Variants in ACSS3 observed in about 807,000 individuals in gnomAD.
ACSS3 encodes acyl-CoA synthetase short-chain family member 3, mitochondrial.
A neutral mutation model predicts 84.2 loss-of-function variants in ACSS3; 64 were observed. That is an observed-to-expected ratio of 0.76 (90% CI 0.62 to 0.94). The LOEUF (loss-of-function observed/expected upper bound fraction) is 0.94. Among genes scored for constraint, ACSS3 ranks in the 40% least tolerant of loss-of-function variants. The pLI is 0.00. For missense variants in ACSS3, 815 were observed against 867.6 expected, an observed-to-expected ratio of 0.94 and a Z score of 0.76; for synonymous variants, 317 against 310.1, an observed-to-expected ratio of 1.02 and a Z score of -0.23.
intron 9 of ACSS3, among the ~76,000 whole-genome samples, chr12:81,215,242 C>G (rs1207348705): frequency 1.3e-5 from 2 of 152,064 alleles, no homozygotes; most frequent in African/African-American, 4.8e-5. Context: ...CTGCCCCCCA[C>G]CTTTTTTTTT....
intron 7 of ACSS3, among the ~76,000 whole-genome samples, chr12:81,156,495 T>A (rs1886876858): frequency 7.4e-6 from 1 of 136,034 alleles, no homozygotes; most frequent in African/African-American, 2.7e-5. Flanking sequence ...ACATAGAAAA[T>A]TAATGAAAAA....
At chr12:81,139,469 T>C (rs1453185968) in intron 4 of ACSS3, among the ~76,000 whole-genome samples, 1 of 151,756 alleles carries the variant, frequency 6.6e-6, no homozygotes. Context: ...CACAGAAAGA[T>C]GTGTGAGATT....
At chr12:81,160,342 A>G (rs1887088682) in intron 7 of ACSS3, among the ~76,000 whole-genome samples, 1 of 152,224 alleles carries the variant, frequency 6.6e-6, no homozygotes, top group South Asian at 2.1e-4. Flanking sequence ...GCAAGGGCAG[A>G]TGGCTATTTG....
chr12:81,099,088 G>A (rs1020786682), intron 1 of ACSS3, among the ~76,000 whole-genome samples: 3 of 152,070 alleles, frequency 2.0e-5, no homozygotes, highest in Non-Finnish European at 4.4e-5. Context: ...ATTCTAATCT[G>A]TTGTAGTCTT....
intron 11 of ACSS3, among the ~76,000 whole-genome samples, chr12:81,227,908 T>A (rs2033324801): frequency 6.6e-6 from 1 of 151,830 alleles, no homozygotes; most frequent in African/African-American, 2.4e-5. Flanking sequence ...ACTCTTTTTC[T>A]TATTCTCTTC....
At chr12:81,156,605 C>G (rs555212423) in intron 7 of ACSS3, among the ~76,000 whole-genome samples, 1 of 152,118 alleles carries the variant, frequency 6.6e-6, no homozygotes. Flanking sequence ...ACATGTGAAA[C>G]AGTAGATATC....
At chr12:81,099,471 T>A (rs1882331374) in intron 1 of ACSS3, among the ~76,000 whole-genome samples, 1 of 152,146 alleles carries the variant, frequency 6.6e-6, no homozygotes. Context: ...TATGGTTGTG[T>A]TGGAGGAAGC....
At chr12:81,239,571 C>G (rs1367581090) in intron 13 of ACSS3, among the ~76,000 whole-genome samples, 1 of 151,906 alleles carries the variant, frequency 6.6e-6, no homozygotes, top group Non-Finnish European at 1.5e-5. Context: ...AAAGTCATGT[C>G]TTACATGGCG....
At chr12:81,162,771 C>G (rs1887216472) in intron 7 of ACSS3, among the ~76,000 whole-genome samples, 1 of 152,106 alleles carries the variant, frequency 6.6e-6, no homozygotes, top group Non-Finnish European at 1.5e-5. Context: ...CTTTGATCCC[C>G]CTCCTGTGCT....
chr12:81,215,929 G>C (rs1423351618), intron 9 of ACSS3, among the ~76,000 whole-genome samples: 1 of 152,124 alleles, frequency 6.6e-6, no homozygotes, highest in Non-Finnish European at 1.5e-5. Flanking sequence ...CAGGCTAGTT[G>C]TGAGAAAGTT....
intron 1 of ACSS3, among the ~76,000 whole-genome samples, chr12:81,079,141 C>T (rs146643070): frequency 3.0e-4 from 46 of 152,252 alleles, no homozygotes; most frequent in African/African-American, 9.9e-4. Flanking sequence ...TAGATATAGG[C>T]CAGGTGATGT....
At chr12:81,192,521 T>C (rs1469156284) in intron 8 of ACSS3, among the ~76,000 whole-genome samples, 1 of 152,202 alleles carries the variant, frequency 6.6e-6, no homozygotes, top group Admixed American at 6.5e-5. Flanking sequence ...TTCTATTCAT[T>C]AGGAATGGAG....
intron 7 of ACSS3, among the ~76,000 whole-genome samples, chr12:81,172,372 G>A (rs1375536886): frequency 1.3e-5 from 2 of 150,862 alleles, no homozygotes; most frequent in East Asian, 2.0e-4. Flanking sequence ...GCCTATCACA[G>A]CAAGTTTACA....
intron 2 of ACSS3, among the ~76,000 whole-genome samples, chr12:81,125,066 T>C (rs905010136): frequency 3.9e-5 from 6 of 151,992 alleles, no homozygotes; most frequent in Non-Finnish European, 5.9e-5. Context: ...TACAAAAAAT[T>C]AGCCGGGCGT....
rs1886645856 is a variant in ACSS3, at chr12:81,152,204, A to G, written c.1098+108A>G. 1.1e-5 allele frequency: 8 copies of G among 735,396 alleles called. No individual in the cohort carries two copies. In the East Asian group the frequency reaches 2.0e-4, roughly 18 times the overall value. The allele number at this position is 735,396 out of a possible 1,614,324, so 45.6% of individuals were successfully genotyped here. A position where few individuals can be genotyped will look rare whatever the true frequency, so the allele number is the denominator to read the frequency against. ...AAAAATTGGGGTGGGGACAGGGGAC[A>G]TTATTATATCTTCTTCCAGTTAAAA... On this transcript the variant is annotated intron_variant, in intron 7 of 15. Transcript: ENST00000548058.
chr12:81,128,830 A>G (rs1337374791), intron 2 of ACSS3, among the ~76,000 whole-genome samples: 2 of 152,184 alleles, frequency 1.3e-5, no homozygotes, highest in Non-Finnish European at 1.5e-5. Flanking sequence ...AACTAGGTGA[A>G]CCCTGAAATA....
chr12:81,186,301 A>G (rs2031249834), intron 8 of ACSS3, among the ~76,000 whole-genome samples: 1 of 151,814 alleles, frequency 6.6e-6, no homozygotes, highest in African/African-American at 2.4e-5. Context: ...TGGACTTGGC[A>G]ATGGTTTTCT....
chr12:81,199,154 A>C (rs1369860520), intron 8 of ACSS3, among the ~76,000 whole-genome samples, 187 bp from the exon 9 acceptor site: 3 of 152,192 alleles, frequency 2.0e-5, no homozygotes, highest in Non-Finnish European at 4.4e-5. Flanking sequence ...CAATTCTGTG[A>C]TGTATGTTTG....
At chr12:81,095,346 A>G (rs1881966653) in intron 1 of ACSS3, among the ~76,000 whole-genome samples, 1 of 152,186 alleles carries the variant, frequency 6.6e-6, no homozygotes, top group Admixed American at 6.5e-5. Flanking sequence ...TTAGCACTGT[A>G]TTTGAATTTA....
Sources: gnomAD v4.1 joint callset for allele counts (sites outside exome capture counted in the v4.1 genomes callset) on GRCh38, gnomAD v4.1.1 for gene constraint, MANE v1.5 for transcripts, NCBI Gene and HGNC (gene_info 2026-07-23, HGNC 2026-07-21) for gene names.